Variants in CDC42SE2 observed in about 807,000 individuals in gnomAD.
The protein encoded by CDC42SE2 is CDC42 small effector protein 2.
CDC42SE2 carries 3 observed loss-of-function variants against 11.5 expected under a neutral mutation model. That is an observed-to-expected ratio of 0.26 (90% CI 0.12 to 0.67). The LOEUF (loss-of-function observed/expected upper bound fraction) is 0.67. Ranked by LOEUF, CDC42SE2 falls within the 30% of genes least tolerant of loss-of-function variation. The pLI is 0.80. For missense variants in CDC42SE2, 82 were observed against 106.8 expected (o/e 0.77, Z 1.02); for synonymous variants, 33 against 34.8 (o/e 0.95, Z 0.18).
chr5:131,359,564 T>C lies in CDC42SE2; in HGVS notation c.54+17T>C. The C allele has an allele frequency of 6.3e-7, 1 of 1,594,948 alleles. No homozygotes were observed. The highest frequency in any genetic ancestry group is 8.6e-7 in the Non-Finnish European group (1 of 1,162,568). On this transcript the variant is annotated intron_variant, in intron 3 of 4. Transcript: ENST00000505065. Reference sequence around the variant, plus strand: ...CCTCAGCCTGTAAGTATGAAGTATGTGGACACATCAGGTGGGGTGCTTATT... The same window carrying C: ...CCTCAGCCTGTAAGTATGAAGTATGCGGACACATCAGGTGGGGTGCTTATT...
In CDC42SE2 at chr5:131,325,994, G is replaced by T. The variant is rs140571563; in HGVS notation, c.-286+9850G>T. 1.2e-4 allele frequency among the ~76,000 whole-genome samples: 19 copies of T among 152,258 alleles called. No homozygotes were observed. The East Asian group carries it at 3.3e-3, about 26-fold the overall frequency. On this transcript the variant is annotated intron_variant, in intron 2 of 4. Coordinates refer to ENST00000505065, the MANE Select transcript of CDC42SE2 (RefSeq NM_001375635.1). ...GACCAAGTCAGCAAAAATTGATCCAGTTAGAGGGTAGTCTTGAATTTTCAT... is the reference window on the plus strand; with the variant it reads ...GACCAAGTCAGCAAAAATTGATCCATTTAGAGGGTAGTCTTGAATTTTCAT...
intron 1 of CDC42SE2, among the ~76,000 whole-genome samples, chr5:131,266,465 T>C (rs6885947): frequency 0.14 from 20,372 of 149,360 alleles, 3,291 homozygotes; most frequent in African/African-American, 0.39. Context: ...TTTTTCTTTT[T>C]TTTTTTTTTT....
chr5:131,369,107 C>T (rs571919970), intron 3 of CDC42SE2, among the ~76,000 whole-genome samples: 4 of 152,176 alleles, frequency 2.6e-5, no homozygotes, highest in East Asian at 1.9e-4. Context: ...TTGTGTTTTA[C>T]GATTTTACCA....
At chr5:131,365,231 A>G (rs1002430392) in intron 3 of CDC42SE2, among the ~76,000 whole-genome samples, 3 of 152,070 alleles carry the variant, frequency 2.0e-5, no homozygotes, top group Admixed American at 2.0e-4. Flanking sequence ...CGAGGGTTGC[A>G]GTGAGCCGAG....
At chr5:131,303,412 A>C (rs1757721648) in intron 1 of CDC42SE2, among the ~76,000 whole-genome samples, 1 of 152,220 alleles carries the variant, frequency 6.6e-6, no homozygotes, top group African/African-American at 2.4e-5. Context: ...AATTTAAGCT[A>C]CTGTTTCTTG....
intron 3 of CDC42SE2, among the ~76,000 whole-genome samples, chr5:131,378,507 G>T (rs1260724213): frequency 6.6e-6 from 1 of 152,070 alleles, no homozygotes; most frequent in Non-Finnish European, 1.5e-5. Context: ...TATTTCAGAG[G>T]TTCCCAAACT....
intron 3 of CDC42SE2, among the ~76,000 whole-genome samples, chr5:131,369,765 C>T (rs897041982): frequency 2.1e-4 from 32 of 152,188 alleles, no homozygotes; most frequent in Non-Finnish European, 3.2e-4. Flanking sequence ...CAGTTCCACA[C>T]TTCCACACCC....
chr5:131,299,563 AGAGTT>A (rs1757638618), intron 1 of CDC42SE2, among the ~76,000 whole-genome samples: 1 of 152,236 alleles, frequency 6.6e-6, no homozygotes, highest in Admixed American at 6.5e-5. Flanking sequence ...AGAAAGAAGC[AGAGTT>A]GAGTTAAGAA....
the CDC42SE2 span, among the ~76,000 whole-genome samples, chr5:131,234,963 A>G: frequency 1.4e-5 from 2 of 144,008 alleles, no homozygotes; most frequent in African/African-American, 5.3e-5. Flanking sequence ...ATCTCGACTC[A>G]CTGCAACCTC....
intron 2 of CDC42SE2, among the ~76,000 whole-genome samples, chr5:131,339,027 C>T (rs1758644454): frequency 6.6e-6 from 1 of 151,932 alleles, no homozygotes; most frequent in Non-Finnish European, 1.5e-5. Context: ...GCGGGTGGAT[C>T]ATGAGGTCAG....
chr5:131,299,127 G>A (rs1757630628), intron 1 of CDC42SE2, among the ~76,000 whole-genome samples: 1 of 152,176 alleles, frequency 6.6e-6, no homozygotes, highest in African/African-American at 2.4e-5. Context: ...TAGTAAATGA[G>A]GTTGAAGAGA....
At chr5:131,228,504 T>G in the CDC42SE2 span, among the ~76,000 whole-genome samples, 1 of 152,238 alleles carries the variant, frequency 6.6e-6, no homozygotes, top group Non-Finnish European at 1.5e-5. Flanking sequence ...ATTTATATCC[T>G]TTATGTGAGT....
chr5:131,348,285 A>G (rs184097622), intron 2 of CDC42SE2, among the ~76,000 whole-genome samples: 62 of 152,344 alleles, frequency 4.1e-4, no homozygotes, highest in African/African-American at 1.5e-3. Context: ...CTGATAAGCA[A>G]CTTCAGCAAT....
chr5:131,278,267 T>C (rs1355481533), intron 1 of CDC42SE2, among the ~76,000 whole-genome samples: 1 of 152,162 alleles, frequency 6.6e-6, no homozygotes. Flanking sequence ...TACAGATGTG[T>C]GCCACTGCGC....
At chr5:131,346,400 CAAAG>C (rs1326418564) in intron 2 of CDC42SE2, among the ~76,000 whole-genome samples, 3 of 152,110 alleles carry the variant, frequency 2.0e-5, no homozygotes, top group Non-Finnish European at 4.4e-5. Flanking sequence ...TCAAAAGAGA[CAAAG>C]AAGGTCATTG....
chr5:131,285,178 A>G (rs976369803), intron 1 of CDC42SE2, among the ~76,000 whole-genome samples: 7 of 151,716 alleles, frequency 4.6e-5, no homozygotes, highest in African/African-American at 1.2e-4. Flanking sequence ...CCAGCAACTC[A>G]GGAGGCTGAG....
chr5:131,342,386 G>GTTTTTTTTTTTT lies in CDC42SE2; in HGVS notation c.-285-16822_-285-16821insTTTTTTTTTTTT, dbSNP rs1304028910. Among the ~76,000 whole-genome samples, 6 of 114,848 alleles carry GTTTTTTTTTTTT rather than the reference G, an allele frequency of 5.2e-5. 1 individual carries two copies. Among genetic ancestry groups the GTTTTTTTTTTTT allele is most frequent in the African/African-American group, 3.5e-4 (6 of 17,226 alleles). The allele number at this position is 114,848 out of a possible 152,430, so 75.3% of individuals were successfully genotyped here. ...GGTCAGAGATTTGCCATTTTTAATA[G>GTTTTTTTTTTTT]TCTTTTTTTTTTTTTTTTTTTAAGA... On this transcript the variant is annotated intron_variant, in intron 2 of 4. Coordinates refer to ENST00000505065, the MANE Select transcript of CDC42SE2 (RefSeq NM_001375635.1).
chr5:131,301,534 C>A (rs899401588), intron 1 of CDC42SE2, among the ~76,000 whole-genome samples: 2 of 151,962 alleles, frequency 1.3e-5, no homozygotes, highest in African/African-American at 4.8e-5. Flanking sequence ...CCGAGGCAGG[C>A]AGATCACGAG....
chr5:131,393,066 A>AGAGT lies in CDC42SE2; in HGVS notation c.*1976_*1979dup, dbSNP rs1750714556. 1 of 152,316 alleles carries AGAGT rather than the reference A, an allele frequency of 6.6e-6. No homozygotes were observed. Among genetic ancestry groups the AGAGT allele is most frequent in the Admixed American group, 6.5e-5 (1 of 15,274 alleles). 9.4% of individuals were successfully genotyped at this position (152,316 alleles called of 1,614,324 possible). ...TTCTGTTAGAGTGTGGTGTTAAGCCAGAGTCAGTGGTTTGTGTTCTCATTA... is the reference window on the plus strand; with the variant it reads ...TTCTGTTAGAGTGTGGTGTTAAGCCAGAGTGAGTCAGTGGTTTGTGTTCTCATTA... On this transcript the variant is annotated 3_prime_UTR_variant, in exon 5 of 5. Transcript: ENST00000505065.
Sources: allele counts gnomAD v4.1 joint callset (sites outside exome capture counted in the v4.1 genomes callset), GRCh38; gene constraint gnomAD v4.1.1; transcripts MANE v1.5; gene names NCBI Gene and HGNC (gene_info 2026-07-23, HGNC 2026-07-21).